TRIM14: variants seen among roughly 807,000 people sequenced by gnomAD.
TRIM14 encodes the protein tripartite motif containing 14, also known as tripartite motif-containing protein 14.
A neutral mutation model predicts 44.5 loss-of-function variants in TRIM14; 28 were observed. The observed-to-expected ratio is 0.63, with a 90% CI of 0.47 to 0.86. The LOEUF (loss-of-function observed/expected upper bound fraction) is 0.86, where lower values mean the gene tolerates loss of function less well. Ranked by LOEUF, TRIM14 falls within the 40% of genes least tolerant of loss-of-function variation. The probability of loss-of-function intolerance (pLI) is 0.00; values close to 1 mark genes in which losing one functional copy is unlikely to be tolerated. For synonymous variants in TRIM14, 299 were observed against 269.2 expected (o/e 1.11, Z -1.08); for missense variants, 607 against 611.1 (o/e 0.99, Z 0.07).
chr9:98,072,715 T>G (rs765330174), intron 6 of TRIM14, among the ~76,000 whole-genome samples: 1 of 152,148 alleles, frequency 6.6e-6, no homozygotes, highest in South Asian at 2.1e-4. Flanking sequence ...GGCAGGAAAG[T>G]GCATTCTTTA....
At chr9:98,055,253 A>T in the TRIM14 span, among the ~76,000 whole-genome samples, 1 of 152,144 alleles carries the variant, frequency 6.6e-6, no homozygotes. Context: ...TCCTGACCTC[A>T]GGTGATCCAC....
Position 98,094,936 on chromosome 9 carries a change from A to G in TRIM14, c.631T>C (p.Phe211Leu), listed in dbSNP as rs773349976. 141 of 1,614,052 alleles carry G rather than the reference A, an allele frequency of 8.7e-5. No homozygotes were observed. Among genetic ancestry groups the G allele is most frequent in the Non-Finnish European group, 1.1e-4 (135 of 1,180,030 alleles). Residue 211 changes from phenylalanine to leucine, a missense_variant, in exon 4 of 6, where the codon TTC becomes CTC. Transcript: ENST00000341469. ...VPLSFEPVKS[F>L]FKGLVEAVES... ...ACGGCTTCCACGAGGCCCTTAAAGA[A>G]GCTCTTGACGGGCTCAAAGGAGAGG...
chr9:98,062,153 C>A, the TRIM14 span, among the ~76,000 whole-genome samples: 1 of 151,942 alleles, frequency 6.6e-6, no homozygotes, highest in South Asian at 2.1e-4. Flanking sequence ...CTGCAGTTAG[C>A]CATGACTGGA....
the TRIM14 span, among the ~76,000 whole-genome samples, chr9:98,055,893 A>T: frequency 2.6e-5 from 4 of 151,726 alleles, no homozygotes; most frequent in East Asian, 7.7e-4. Flanking sequence ...ACGCACCACC[A>T]CGCCCGGCTA....
At position 98,095,231 on chromosome 9, in the gene TRIM14, G is replaced by A. The variant is rs1826144265; in HGVS notation, c.538-202C>T. On this transcript the variant is annotated intron_variant, in intron 3 of 5. Coordinates refer to ENST00000341469, the MANE Select transcript of TRIM14 (RefSeq NM_014788.4). The surrounding 1 kb of genome is among the most constrained non-coding windows in gnomAD (Gnocchi z 4.1). Reference sequence around the variant, plus strand: ...ATCCCTGAGGTGGGAGCCATGCGGAGGTGCGGTTTTTCAGTGCTGGCACTG... The same window carrying A: ...ATCCCTGAGGTGGGAGCCATGCGGAAGTGCGGTTTTTCAGTGCTGGCACTG... Among the ~76,000 whole-genome samples, 1 of 152,232 alleles carries A rather than the reference G, an allele frequency of 6.6e-6. No individual in the cohort carries two copies. The highest frequency in any genetic ancestry group is 6.5e-5 in the Admixed American group (1 of 15,288).
chr9:98,116,727 C>T (rs1450697197), intron 1 of TRIM14, among the ~76,000 whole-genome samples: 1 of 151,542 alleles, frequency 6.6e-6, no homozygotes, highest in Non-Finnish European at 1.5e-5. Flanking sequence ...ACCTATAGTC[C>T]CAGCTACTTG....
At chr9:98,115,415 T>A (rs1435227650) in intron 1 of TRIM14, among the ~76,000 whole-genome samples, 1 of 152,248 alleles carries the variant, frequency 6.6e-6, no homozygotes. Flanking sequence ...CATGCCCAGC[T>A]AATTTTTGCA....
chr9:98,053,322 T>C, the TRIM14 span, among the ~76,000 whole-genome samples: 1 of 152,212 alleles, frequency 6.6e-6, no homozygotes, highest in Non-Finnish European at 1.5e-5. Context: ...GAATCCAAGA[T>C]AAAGTATCCT....
chr9:98,065,483 ATT>A (rs397837187), downstream of TRIM14, among the ~76,000 whole-genome samples: 416 of 58,604 alleles, frequency 7.1e-3, 2 homozygotes, highest in South Asian at 0.031. Flanking sequence ...TGCCCAGCTA[ATT>A]TTTTTTTTTT....
At chr9:98,115,754 A>C (rs1827028026) in intron 1 of TRIM14, 1 of 152,202 alleles carries the variant, frequency 6.6e-6, no homozygotes, top group Non-Finnish European at 1.5e-5. Context: ...GTTTTCTTTC[A>C]TAACAGACCA....
At chr9:98,045,799 C>G in the TRIM14 span, among the ~76,000 whole-genome samples, 2 of 152,162 alleles carry the variant, frequency 1.3e-5, no homozygotes, top group Non-Finnish European at 2.9e-5. Flanking sequence ...CTGCAGGACC[C>G]ATTTGTGTCC....
chr9:98,045,299 T>A, the TRIM14 span, among the ~76,000 whole-genome samples: 1 of 152,178 alleles, frequency 6.6e-6, no homozygotes, highest in Non-Finnish European at 1.5e-5. Context: ...TACAAGGTCA[T>A]CTCTGGTATC....
chr9:98,079,140 C>T (rs1008578540), intron 6 of TRIM14, among the ~76,000 whole-genome samples: 2 of 152,134 alleles, frequency 1.3e-5, no homozygotes, highest in African/African-American at 4.8e-5. Context: ...AATCCAGTCC[C>T]AAGTCGGGAA....
intron 3 of TRIM14, among the ~76,000 whole-genome samples, chr9:98,098,723 G>T (rs1826278355): frequency 6.6e-6 from 1 of 151,934 alleles, no homozygotes; most frequent in African/African-American, 2.4e-5. Context: ...GAAAAAAGTA[G>T]ACAGGAACAC....
At chr9:98,050,143 A>C in the TRIM14 span, among the ~76,000 whole-genome samples, 2 of 152,366 alleles carry the variant, frequency 1.3e-5, no homozygotes, top group Admixed American at 1.3e-4. Flanking sequence ...GCCCAAACTC[A>C]GTGATTGGCA....
the TRIM14 span, among the ~76,000 whole-genome samples, chr9:98,039,990 C>T: frequency 9.9e-5 from 15 of 152,280 alleles, no homozygotes; most frequent in South Asian, 2.1e-4. Flanking sequence ...ACCACAGGCA[C>T]GCGCCACCAT....
At chr9:98,068,987 A>G (rs1443662444), downstream of TRIM14, among the ~76,000 whole-genome samples, 1 of 152,222 alleles carries the variant, frequency 6.6e-6, no homozygotes, top group African/African-American at 2.4e-5. Flanking sequence ...ATTGGGACAT[A>G]ATTCATATAC....
rs760379126 is a variant in TRIM14 at position 98,091,918 on chromosome 9, A to G, written c.784T>C (p.Leu262=). 6 of 1,600,356 alleles carry G rather than the reference A, an allele frequency of 3.7e-6. No individual in the cohort carries two copies. The highest frequency in any genetic ancestry group is 2.3e-5 in the South Asian group (2 of 88,854). Reference sequence around the variant, plus strand: ...CTCCCGGGGGTCTTACATTTCAGCAATAGCGATCGCTCTGGTGAGGGGCTG... The same window carrying G: ...CTCCCGGGGGTCTTACATTTCAGCAGTAGCGATCGCTCTGGTGAGGGGCTG... ...KTSPSPERSL[L]LKYARTPTLD... is the part of the protein sequence containing the mutation. The change falls in exon 5 of 6, where the codon TTG becomes CTG. Residue 262 remains leucine (L), a synonymous_variant. Coordinates refer to ENST00000341469, the MANE Select transcript of TRIM14 (RefSeq NM_014788.4).
At chr9:98,045,634 G>T in the TRIM14 span, among the ~76,000 whole-genome samples, 4 of 152,146 alleles carry the variant, frequency 2.6e-5, no homozygotes, top group Non-Finnish European at 5.9e-5. Context: ...TGGCTCAAAA[G>T]GCTCCCCAGT....
Sources: allele counts gnomAD v4.1 joint callset (sites outside exome capture counted in the v4.1 genomes callset), GRCh38; gene constraint gnomAD v4.1.1; non-coding constraint Gnocchi (gnomAD v3.1); transcripts MANE v1.5; gene names NCBI Gene and HGNC (gene_info 2026-07-23, HGNC 2026-07-21).